The following CNTNAP2 variants were observed in gnomAD, a reference collection of about 807,000 sequenced individuals.
CNTNAP2 encodes the protein contactin associated protein 2, also known as contactin-associated protein-like 2.
In CNTNAP2, 98 loss-of-function variants were observed where a neutral mutation model predicts 155.2. The ratio of observed to expected loss-of-function variants is 0.63; its 90% CI spans 0.54 to 0.75. CNTNAP2 has a LOEUF of 0.75. Ranked by LOEUF, CNTNAP2 falls within the 30% of genes least tolerant of loss-of-function variation. The pLI, the probability that CNTNAP2 is intolerant of heterozygous loss-of-function variation, is 0.00. For missense variants in CNTNAP2, 1,727 were observed against 1,688.1 expected, an observed-to-expected ratio of 1.02 and a Z score of -0.40; for synonymous variants, 651 against 631.2, an observed-to-expected ratio of 1.03 and a Z score of -0.47.
At chr7:147,829,140 A>G (rs553098589) in intron 13 of CNTNAP2, among the ~76,000 whole-genome samples, 1 of 152,336 alleles carries the variant, frequency 6.6e-6, no homozygotes, top group East Asian at 1.9e-4. Flanking sequence ...TCTTCAGGAC[A>G]TCAGAACATA....
chr7:146,141,219 T>C (rs1797877387), intron 1 of CNTNAP2, among the ~76,000 whole-genome samples: 1 of 152,186 alleles, frequency 6.6e-6, no homozygotes, highest in South Asian at 2.1e-4. Flanking sequence ...CAGCCTACAT[T>C]TGTCGTTGTT....
chr7:148,265,218 A>C (rs1314986996), intron 20 of CNTNAP2, among the ~76,000 whole-genome samples: 1 of 152,196 alleles, frequency 6.6e-6, no homozygotes, highest in Admixed American at 6.5e-5. Flanking sequence ...TGCTCCAAAG[A>C]AACATATATA....
At chr7:146,147,259 C>T (rs1265923191) in intron 1 of CNTNAP2, among the ~76,000 whole-genome samples, 1 of 152,114 alleles carries the variant, frequency 6.6e-6, no homozygotes, top group Non-Finnish European at 1.5e-5. Flanking sequence ...GAAGGAAGCA[C>T]ACTCTCTCTT....
At chr7:148,259,260 G>A (rs1433464007) in intron 20 of CNTNAP2, among the ~76,000 whole-genome samples, 1 of 143,026 alleles carries the variant, frequency 7.0e-6, no homozygotes, top group Non-Finnish European at 1.5e-5. Flanking sequence ...GTAGGCTAAG[G>A]TGGAAGGATC....
At chr7:148,133,137 C>T (rs971487801) in intron 16 of CNTNAP2, among the ~76,000 whole-genome samples, 2 of 151,884 alleles carry the variant, frequency 1.3e-5, no homozygotes, top group Non-Finnish European at 2.9e-5. Context: ...CCCAGTAAAA[C>T]CCTAGGTTTC....
intron 15 of CNTNAP2, among the ~76,000 whole-genome samples, chr7:147,982,318 A>G (rs935016950): frequency 2.0e-5 from 3 of 150,748 alleles, no homozygotes; most frequent in Non-Finnish European, 4.4e-5. Context: ...AAAAAAAATC[A>G]AATGTTTTCA....
At chr7:148,029,619 T>C (rs1802436059) in intron 15 of CNTNAP2, among the ~76,000 whole-genome samples, 1 of 152,176 alleles carries the variant, frequency 6.6e-6, no homozygotes, top group Non-Finnish European at 1.5e-5. Flanking sequence ...GAATTGATGG[T>C]TTCCATAAAT....
At chr7:147,758,739 C>T (rs851656) in intron 13 of CNTNAP2, among the ~76,000 whole-genome samples, 4 of 151,826 alleles carry the variant, frequency 2.6e-5, no homozygotes, top group Non-Finnish European at 5.9e-5. Context: ...CAGCTACTTG[C>T]GGGGCTGAGG....
chr7:146,684,326 G>C (rs1052029893), intron 1 of CNTNAP2, among the ~76,000 whole-genome samples: 1 of 152,070 alleles, frequency 6.6e-6, no homozygotes, highest in African/African-American at 2.4e-5. Context: ...GATGAGCTAA[G>C]TGAGAATAAA....
intron 1 of CNTNAP2, chr7:146,117,176 G>T: frequency 1.7e-6 from 1 of 576,268 alleles, no homozygotes; most frequent in Non-Finnish European, 3.1e-6. Flanking sequence ...TTGTGACGCT[G>T]GTGATGTTTC....
intron 1 of CNTNAP2, among the ~76,000 whole-genome samples, chr7:146,201,510 G>A (rs558669351): frequency 6.6e-6 from 1 of 152,078 alleles, no homozygotes; most frequent in Admixed American, 6.6e-5. Flanking sequence ...CCTTCCACAA[G>A]TTTACTGTTT....
chr7:146,162,296 G>GAACTCC, intron 1 of CNTNAP2, among the ~76,000 whole-genome samples: 1 of 149,974 alleles, frequency 6.7e-6, no homozygotes, highest in Admixed American at 6.6e-5. Context: ...AATCTACAAA[G>GAACTCC]AACAAATTTA....
intron 4 of CNTNAP2, among the ~76,000 whole-genome samples, chr7:147,048,859 C>T (rs1339202619): frequency 6.6e-6 from 1 of 152,134 alleles, no homozygotes; most frequent in Non-Finnish European, 1.5e-5. Flanking sequence ...GTGTCAGTCT[C>T]TATTGTTTTT....
chr7:147,405,728 A>G (rs550124904), intron 10 of CNTNAP2, among the ~76,000 whole-genome samples: 2 of 152,216 alleles, frequency 1.3e-5, no homozygotes, highest in Non-Finnish European at 2.9e-5. Flanking sequence ...ACACAAAACC[A>G]TAAGTTTATG....
At chr7:146,607,231 C>A (rs2129153216) in intron 1 of CNTNAP2, among the ~76,000 whole-genome samples, 1 of 152,176 alleles carries the variant, frequency 6.6e-6, no homozygotes, top group East Asian at 1.9e-4. Flanking sequence ...ACGTTTGAAT[C>A]TTCTATGGAA....
At chr7:147,300,335 T>C (rs371616369) in intron 9 of CNTNAP2, 45 bp downstream of exon 9, 1 of 1,609,358 alleles carries the variant, frequency 6.2e-7, no homozygotes, top group African/African-American at 1.3e-5. Flanking sequence ...TTGCAAAAAA[T>C]GAGGTTTCAA....
intron 1 of CNTNAP2, among the ~76,000 whole-genome samples, chr7:146,595,741 TC>T (rs1371459427): frequency 1.3e-5 from 2 of 152,100 alleles, no homozygotes; most frequent in Non-Finnish European, 2.9e-5. Context: ...TATATAATTT[TC>T]CTATAATGCT....
chr7:147,636,729 T>C (rs775978997), intron 12 of CNTNAP2, among the ~76,000 whole-genome samples: 5 of 152,192 alleles, frequency 3.3e-5, no homozygotes, highest in Non-Finnish European at 5.9e-5. Context: ...CTAATATTTC[T>C]GAAGCCCTAC....
chr7:148,099,867 GGT>G (rs1804059249), intron 15 of CNTNAP2, among the ~76,000 whole-genome samples: 6 of 101,874 alleles, frequency 5.9e-5, no homozygotes, highest in African/African-American at 2.4e-4. Flanking sequence ...TTTTTTTTTT[GGT>G]TTTTTTTTTT....
Sources: gnomAD v4.1 joint callset for allele counts (sites outside exome capture counted in the v4.1 genomes callset) on GRCh38, gnomAD v4.1.1 for gene constraint, MANE v1.5 for transcripts, NCBI Gene and HGNC (gene_info 2026-07-23, HGNC 2026-07-21) for gene names.